The following ZNF479 variants were observed in gnomAD, a reference collection of about 807,000 sequenced individuals.
ZNF479 encodes the protein zinc finger protein 479, also known as KRAB zinc finger protein KR19.
A neutral mutation model predicts 14.7 loss-of-function variants in ZNF479; 15 were observed. The ratio of observed to expected loss-of-function variants is 1.02; its 90% CI spans 0.68 to 1.57. The LOEUF is 1.57. ZNF479 is among the 40% of genes most tolerant of loss of function. The pLI is 0.00. For synonymous variants in ZNF479, 145 were observed against 211.5 expected, an observed-to-expected ratio of 0.69 and a Z score of 2.73; for missense variants, 506 against 615.1, an observed-to-expected ratio of 0.82 and a Z score of 1.88.
intron 3 of ZNF479, among the ~76,000 whole-genome samples, chr7:57,124,115 T>G (rs1786059369): frequency 6.6e-6 from 1 of 152,218 alleles, no homozygotes; most frequent in Admixed American, 6.5e-5. Context: ...AAAAGTATAT[T>G]TATTCCTGAA....
upstream of ZNF479, among the ~76,000 whole-genome samples, chr7:57,132,556 G>T (rs1016603888): frequency 1.3e-5 from 2 of 152,142 alleles, no homozygotes; most frequent in Non-Finnish European, 2.9e-5. Flanking sequence ...CCCTGAGTGA[G>T]GGAATATTTG....
At position 57,118,837 on chromosome 7, in the gene ZNF479, A is replaced by C. The variant is rs560043801; in HGVS notation, c.*1003T>G. Among the ~76,000 whole-genome samples the C allele has an allele frequency of 3.5e-5, 5 of 144,760 alleles. No homozygotes were observed. The highest frequency in any genetic ancestry group is 1.4e-4 in the Admixed American group (2 of 14,224). The allele number at this position is 144,760 out of a possible 152,430, so 95.0% of individuals were successfully genotyped here. On this transcript the variant is annotated 3_prime_UTR_variant, in exon 4 of 4. Transcript: ENST00000319636. ...TTGCCACATTCTTCATATTTGTAGGAGTCTTCTTCAGTATAAACTATCTTA... is the reference window on the plus strand; with the variant it reads ...TTGCCACATTCTTCATATTTGTAGGCGTCTTCTTCAGTATAAACTATCTTA...
chr7:57,132,859 C>T (rs1305966122), upstream of ZNF479, among the ~76,000 whole-genome samples: 4 of 152,210 alleles, frequency 2.6e-5, no homozygotes, highest in East Asian at 1.9e-4. Context: ...AATTCTCGTC[C>T]GTGTGCAGTG....
At chr7:57,133,923 A>C (rs1308874001), upstream of ZNF479, among the ~76,000 whole-genome samples, 1 of 152,232 alleles carries the variant, frequency 6.6e-6, no homozygotes, top group African/African-American at 2.4e-5. Context: ...CAACTTAATC[A>C]GCCCAATATA....
At chr7:57,134,820 A>G (rs1786574840), upstream of ZNF479, among the ~76,000 whole-genome samples, 1 of 151,950 alleles carries the variant, frequency 6.6e-6, no homozygotes, top group Non-Finnish European at 1.5e-5. Flanking sequence ...GATTACAGGC[A>G]TGCGCCACCA....
intron 3 of ZNF479, among the ~76,000 whole-genome samples, chr7:57,124,139 T>A (rs1490092672): frequency 6.6e-6 from 1 of 152,036 alleles, no homozygotes; most frequent in Non-Finnish European, 1.5e-5. Flanking sequence ...TTGTTTAAAA[T>A]TTTTAAATTT....
chr7:57,133,965 G>T (rs1786538716), upstream of ZNF479, among the ~76,000 whole-genome samples: 1 of 152,212 alleles, frequency 6.6e-6, no homozygotes, highest in Non-Finnish European at 1.5e-5. Flanking sequence ...TATGTGATTA[G>T]CATGTAATGG....
rs143391443 is a variant in ZNF479, at chr7:57,119,715, T to G, written c.*125A>C. On this transcript the variant is annotated 3_prime_UTR_variant, in exon 4 of 4. Coordinates refer to ENST00000319636, the MANE Select transcript of ZNF479 (RefSeq NM_001370129.2). The stretch of plus-strand genomic sequence containing the variant: ...TATAAAATTTCTGTCCAATATGAAT[T>G]CTCTTACATTCAATTAAGGTTTGGA... 1.3e-3 allele frequency: 1,262 copies of G among 971,356 alleles called. 14 individuals are homozygous for G. In the African/African-American group the frequency reaches 0.019, roughly 15 times the overall value. The allele number at this position is 971,356 out of a possible 1,614,324, so 60.2% of individuals were successfully genotyped here.
intron 1 of ZNF479, among the ~76,000 whole-genome samples, chr7:57,128,917 C>T (rs1025239333): frequency 2.0e-5 from 3 of 152,172 alleles, no homozygotes; most frequent in African/African-American, 7.2e-5. Context: ...ATGAGATGCT[C>T]TGGACATATC....
intron 1 of ZNF479, among the ~76,000 whole-genome samples, chr7:57,128,995 C>T (rs185314473): frequency 8.5e-5 from 13 of 152,166 alleles, no homozygotes; most frequent in South Asian, 2.1e-4. Flanking sequence ...CACACACCCA[C>T]GGCAGAAAGA....
At chr7:57,125,067 C>T (rs564843745) in intron 3 of ZNF479, among the ~76,000 whole-genome samples, 25 of 150,636 alleles carry the variant, frequency 1.7e-4, no homozygotes, top group African/African-American at 5.1e-4. Context: ...AGTGAAACTC[C>T]GTCTCAAAAA....
chr7:57,119,888 A>G lies in ZNF479; in HGVS notation c.1527T>C (p.Ala509=), dbSNP rs78428923. 1.2e-6 allele frequency: 2 copies of G among 1,613,870 alleles called. No homozygotes were observed. Among genetic ancestry groups the G allele is most frequent in the Admixed American group, 1.7e-5 (1 of 59,946 alleles). Residue 509 remains alanine (A), a synonymous_variant, in exon 4 of 4, where the codon GCT becomes GCC. Transcript: ENST00000319636. ...CTCCAGTGTGAATTATCTTATGTTT[A>G]GCAAGACTTGAATGCCACTTAAAAG... ...EQAFKWHSSL[A]KHKIIHTGEK...
In ZNF479 at chr7:57,132,315, T is replaced by G; in HGVS notation, c.10A>C (p.Arg4=). Residue 4 remains arginine (R), a synonymous_variant, in exon 1 of 4, where the codon AGA becomes CGA. Coordinates refer to ENST00000319636, the MANE Select transcript of ZNF479 (RefSeq NM_001370129.2). ...TCTCGGCTTCCAGGGGGTCCTGGTC[T>G]TTTAGCCATAAATCTGCAGATACCT... is the stretch of plus-strand genomic sequence containing the variant. MAK[R]PGPPGSREMG... 2 of 1,614,118 alleles carry G rather than the reference T, an allele frequency of 1.2e-6. No homozygotes were observed. Among genetic ancestry groups the G allele is most frequent in the Non-Finnish European group, 1.7e-6 (2 of 1,180,026 alleles).
chr7:57,126,170 A>G (rs1227342177), intron 2 of ZNF479, 57 bp from the exon 3 acceptor site: 4 of 1,496,626 alleles, frequency 2.7e-6, no homozygotes, highest in Non-Finnish European at 3.6e-6. Context: ...TAATTACCAA[A>G]TTAGTATTAT....
Position 57,120,792 on chromosome 7 carries a change from G to A in ZNF479, c.623C>T (p.Thr208Ile), listed in dbSNP as rs371143641. ...SHLNQHQVIH[T>I]REKSYKCKEC... ...TTTGCATTTGTAGGACTTCTCCCTA[G>A]TATGAATTACCTGATGTTGATTTAG... Residue 208 changes from threonine to isoleucine, a missense_variant, in exon 4 of 4, where the codon ACT (threonine) becomes ATT (isoleucine). Thr to Ile is a moderately conservative substitution (Grantham distance 89). Coordinates refer to ENST00000319636, the MANE Select transcript of ZNF479 (RefSeq NM_001370129.2). The A allele has an allele frequency of 8.6e-5, 139 of 1,612,238 alleles. 1 individual carries two copies. In the East Asian group the frequency reaches 1.6e-3, roughly 18 times the overall value.
upstream of ZNF479, among the ~76,000 whole-genome samples, chr7:57,135,973 A>ATCTCTCTCTCTCTCTCTCTCTC (rs57853604): frequency 1.4e-4 from 17 of 125,312 alleles, no homozygotes; most frequent in African/African-American, 4.0e-4. Context: ...CTCTCTCTCA[A>ATCTCTCTCTCTCTCTCTCTCTC]TCTCTCTCTC....
intron 3 of ZNF479, among the ~76,000 whole-genome samples, chr7:57,122,564 C>T (rs1554400809): frequency 6.6e-6 from 1 of 151,902 alleles, no homozygotes; most frequent in East Asian, 1.9e-4. Context: ...GCATAAAAAT[C>T]ATAAAACATA....
upstream of ZNF479, chr7:57,132,463 G>T: frequency 7.6e-7 from 1 of 1,319,036 alleles, no homozygotes; most frequent in Non-Finnish European, 1.1e-6. Flanking sequence ...GAAGTAGCCT[G>T]TTCTTTCCAG....
intron 1 of ZNF479, among the ~76,000 whole-genome samples, chr7:57,139,069 C>T (rs961857018): frequency 4.6e-5 from 7 of 152,200 alleles, no homozygotes; most frequent in African/African-American, 1.7e-4. Flanking sequence ...TGTCTCAAAG[C>T]AGATTGTGAA....
Sources: allele counts gnomAD v4.1 joint callset (sites outside exome capture counted in the v4.1 genomes callset), GRCh38; gene constraint gnomAD v4.1.1; transcripts MANE v1.5; gene names NCBI Gene and HGNC (gene_info 2026-07-23, HGNC 2026-07-21).